PRDM7: variants seen among roughly 807,000 people sequenced by gnomAD.
PRDM7 encodes the protein histone-lysine N-methyltransferase PRDM7.
A neutral mutation model predicts 64.3 loss-of-function variants in PRDM7; 52 were observed. The observed-to-expected ratio is 0.81, with a 90% confidence interval of 0.65 to 1.02. The LOEUF (loss-of-function observed/expected upper bound fraction) is 1.02, where lower values mean the gene tolerates loss of function less well. Among genes scored for constraint, PRDM7 ranks in the 50% least tolerant of loss-of-function variants. PRDM7 has a pLI of 0.00. For missense variants in PRDM7, 574 were observed against 597.1 expected, an observed-to-expected ratio of 0.96 and a Z score of 0.40; for synonymous variants, 192 against 210.1, an observed-to-expected ratio of 0.91 and a Z score of 0.74.
intron 4 of PRDM7, among the ~76,000 whole-genome samples, chr16:90,067,508 G>A (rs2037894110): frequency 6.6e-6 from 1 of 150,436 alleles, no homozygotes; most frequent in Non-Finnish European, 1.5e-5. Context: ...AACGTAAATT[G>A]ACCTTTCATG....
chr16:90,067,196 C>G lies in PRDM7; in HGVS notation c.302-286G>C, dbSNP rs1480401508. On this transcript the variant is annotated intron_variant, in intron 4 of 10. Transcript: ENST00000449207. Reference sequence around the variant, plus strand: ...GGCGATGCTGGTCTCGAACTCCTGACCTTAGGTGATCCACCTGCCTCGGAC... The same window carrying G: ...GGCGATGCTGGTCTCGAACTCCTGAGCTTAGGTGATCCACCTGCCTCGGAC... Among the ~76,000 whole-genome samples the G allele has an allele frequency of 1.3e-5, 2 of 151,078 alleles. 1 individual carries two copies. Among genetic ancestry groups the G allele is most frequent in the African/African-American group, 4.9e-5 (2 of 40,546 alleles).
chr16:90,058,482 A>T lies in PRDM7; in HGVS notation c.1286T>A (p.Val429Asp). ...HVPHAVWPFQVKNFSVNMWNA... is the reference protein window; with the variant it reads ...HVPHAVWPFQDKNFSVNMWNA... ...CCACATGTTGACTGAGAAATTTTTG[A>T]CTTGAAAAGGCCAGACAGCATGAGG... Residue 429 changes from valine to aspartate, a missense_variant, in exon 11 of 11, where the codon GTC (valine) becomes GAC (aspartate). Transcript: ENST00000449207. The T allele has an allele frequency of 6.2e-7, 1 of 1,614,082 alleles. No homozygotes were observed. The highest frequency in any genetic ancestry group is 8.5e-7 in the Non-Finnish European group (1 of 1,180,024).
intron 6 of PRDM7, among the ~76,000 whole-genome samples, 164 bp downstream of exon 6, chr16:90,063,444 CAAAT>C (rs535661563): frequency 6.6e-6 from 1 of 152,068 alleles, no homozygotes; most frequent in South Asian, 2.1e-4. Flanking sequence ...TCTCAGTGAA[CAAAT>C]AAATAAATAA....
intron 4 of PRDM7, among the ~76,000 whole-genome samples, chr16:90,072,148 G>A (rs1267198219): frequency 2.0e-5 from 3 of 151,516 alleles, no homozygotes; most frequent in African/African-American, 4.9e-5. Flanking sequence ...GGAGAATGGC[G>A]TGAACCCGGG....
At chr16:90,076,167 C>T (rs2038033829) in intron 1 of PRDM7, among the ~76,000 whole-genome samples, 172 bp from the exon 2 acceptor site, 1 of 152,178 alleles carries the variant, frequency 6.6e-6, no homozygotes, top group African/African-American at 2.4e-5. Context: ...AAGGCCTCCA[C>T]TGGCCATGAG....
At position 90,058,061 on chromosome 16, in the gene PRDM7, T is replaced by A. The variant is rs1199982231; in HGVS notation, c.*228A>T. The A allele has an allele frequency of 6.2e-7, 1 of 1,612,898 alleles. No individual in the cohort carries two copies. Among genetic ancestry groups the A allele is most frequent in the African/African-American group, 1.3e-5 (1 of 74,906 alleles). ...CCTGTGTGTGTCCTTTGGTGTGTAA[T>A]AACATCTGACTTATCACTGAAACCT... On this transcript the variant is annotated 3_prime_UTR_variant, in exon 11 of 11. Coordinates refer to ENST00000449207, the MANE Select transcript of PRDM7 (RefSeq NM_001098173.2).
intron 1 of PRDM7, among the ~76,000 whole-genome samples, 195 bp from the exon 2 acceptor site, chr16:90,076,190 G>T (rs1254084730): frequency 6.6e-6 from 1 of 152,190 alleles, no homozygotes; most frequent in Non-Finnish European, 1.5e-5. Context: ...GCCACCTAAT[G>T]TAAGCTGGAT....
At position 90,060,451 on chromosome 16, in the gene PRDM7, C is replaced by T. The variant is rs201936074; in HGVS notation, c.1123G>A (p.Glu375Lys). Residue 375 changes from glutamate to lysine, a missense_variant, in exon 10 of 11, where the codon GAG becomes AAG. By Grantham distance (56) the Glu-to-Lys change is moderately conservative (BLOSUM62 1). Transcript: ENST00000449207. ...CAGTTCACAGCCTGGCCTAATGACTCGGCAGGTTCTATAGAAGATCTGATG... is the reference window on the plus strand; with the variant it reads ...CAGTTCACAGCCTGGCCTAATGACTTGGCAGGTTCTATAGAAGATCTGATG... ...LGIRSSIEPA[E>K]SLGQAVNCWS... is the part of the protein sequence containing the mutation. The T allele has an allele frequency of 6.3e-4, 1,021 of 1,613,638 alleles. No homozygotes were observed. The highest frequency in any genetic ancestry group is 7.5e-4 in the Non-Finnish European group (890 of 1,179,808).
chr16:90,061,838 T>C, intron 8 of PRDM7, 83 bp downstream of exon 8: 1 of 1,587,398 alleles, frequency 6.3e-7, no homozygotes, highest in Non-Finnish European at 8.6e-7. Context: ...ACCTATATCC[T>C]AACATGTAGA....
At position 90,058,194 on chromosome 16, in the gene PRDM7, T is replaced by G; in HGVS notation, c.*95A>C. On this transcript the variant is annotated 3_prime_UTR_variant, in exon 11 of 11. Coordinates refer to ENST00000449207, the MANE Select transcript of PRDM7 (RefSeq NM_001098173.2). ...CTTTCTGGCCTGTTCTGGACTCTTC[T>G]TCCATCATTCTTTCTCCCACTCTAG... is the stretch of plus-strand genomic sequence containing the variant. 6.2e-7 allele frequency: 1 copy of G among 1,614,246 alleles called. No homozygotes were observed. The highest frequency in any genetic ancestry group is 1.1e-5 in the South Asian group (1 of 91,086).
At chr16:90,070,813 A>G (rs531079898) in intron 4 of PRDM7, among the ~76,000 whole-genome samples, 148 of 152,300 alleles carry the variant, frequency 9.7e-4, no homozygotes, top group African/African-American at 3.4e-3. Flanking sequence ...AAGCCACTCA[A>G]TGTGTGGTAT....
chr16:90,061,843 T>G (rs2037782632), intron 8 of PRDM7, 78 bp downstream of exon 8: 30 of 1,591,026 alleles, frequency 1.9e-5, no homozygotes, highest in Non-Finnish European at 2.4e-5. Context: ...TATCCTAACA[T>G]GTAGAAGGTG....
intron 4 of PRDM7, among the ~76,000 whole-genome samples, chr16:90,074,575 TA>T (rs1264541932): frequency 6.6e-6 from 1 of 151,172 alleles, no homozygotes; most frequent in African/African-American, 2.4e-5. Flanking sequence ...GACTCTGTCT[TA>T]AAAAAAATAA....
chr16:90,063,548 A>G (rs2037818379), intron 6 of PRDM7, 64 bp downstream of exon 6: 2 of 1,578,016 alleles, frequency 1.3e-6, no homozygotes, highest in African/African-American at 2.7e-5. Flanking sequence ...ACATAGGTAG[A>G]CCATACTCAC....
intron 4 of PRDM7, chr16:90,069,899 CAGA>C (rs1567879186): frequency 3.2e-5 from 5 of 153,992 alleles, no homozygotes; most frequent in Admixed American, 2.6e-4. Context: ...ACTGAAAATA[CAGA>C]AGATTAGCTG....
chr16:90,059,985 CA>C (rs1313079841), intron 10 of PRDM7, among the ~76,000 whole-genome samples: 4 of 152,204 alleles, frequency 2.6e-5, no homozygotes, highest in Non-Finnish European at 4.4e-5. Flanking sequence ...TGAATAACAA[CA>C]TATGCGTATC....
At chr16:90,074,609 C>T (rs2038008618) in intron 4 of PRDM7, among the ~76,000 whole-genome samples, 1 of 151,796 alleles carries the variant, frequency 6.6e-6, no homozygotes, top group Non-Finnish European at 1.5e-5. Flanking sequence ...TGTGGTGGCT[C>T]ATGGCTGTAA....
At chr16:90,063,790 T>C in intron 5 of PRDM7, 22 bp from the exon 6 acceptor site, 1 of 1,613,090 alleles carries the variant, frequency 6.2e-7, no homozygotes, top group Non-Finnish European at 8.5e-7. Flanking sequence ...GAATCACATA[T>C]TAAAAGACAA....
chr16:90,072,199 C>G (rs1382011484), intron 4 of PRDM7, among the ~76,000 whole-genome samples: 5 of 150,712 alleles, frequency 3.3e-5, no homozygotes, highest in African/African-American at 1.2e-4. Flanking sequence ...CCACTGCACT[C>G]CAGCCTGGGC....
Sources: gnomAD v4.1 joint callset for allele counts (sites outside exome capture counted in the v4.1 genomes callset) on GRCh38, gnomAD v4.1.1 for gene constraint, MANE v1.5 for transcripts, NCBI Gene and HGNC (gene_info 2026-07-23, HGNC 2026-07-21) for gene names.